The following ATXN7L1 variants were observed in gnomAD, a reference collection of about 807,000 sequenced individuals.
ATXN7L1 encodes the protein ataxin-7-like protein 1.
Under a neutral mutation model 70.8 loss-of-function variants are expected in ATXN7L1, and 15 were observed. That is an observed-to-expected ratio of 0.21 (90% confidence interval 0.14 to 0.33). The LOEUF (loss-of-function observed/expected upper bound fraction) is 0.33. Ranked by LOEUF, ATXN7L1 falls within the 10% of genes least tolerant of loss-of-function variation. The probability of loss-of-function intolerance (pLI) is 1.00; values close to 1 mark genes in which losing one functional copy is unlikely to be tolerated. For missense variants in ATXN7L1, 975 were observed against 1,097.1 expected, an observed-to-expected ratio of 0.89 and a Z score of 1.57; for synonymous variants, 440 against 445.1, an observed-to-expected ratio of 0.99 and a Z score of 0.14.
intron 6 of ATXN7L1, 87 bp downstream of exon 6, chr7:105,639,400 C>A (rs1416142570): frequency 6.5e-6 from 7 of 1,074,578 alleles, no homozygotes; most frequent in African/African-American, 3.2e-5. Context: ...AGGTTCCACA[C>A]CCTGCCGTGT....
chr7:105,788,479 A>G lies in ATXN7L1; in HGVS notation c.355+125T>C, dbSNP rs1373308272. ...TGCGAGCAGAGGCAGCAGCCCAGGA[A>G]GACTTTACCCACAGCCTCAGGCTGA... On this transcript the variant is annotated intron_variant, in intron 3 of 11. Transcript: ENST00000419735. 10 of 763,218 alleles carry G rather than the reference A, an allele frequency of 1.3e-5. No individual in the cohort carries two copies. In the African/African-American group the frequency reaches 1.4e-4, roughly 11 times the overall value. The allele number at this position is 763,218 out of a possible 1,614,324, so 47.3% of individuals were successfully genotyped here.
chr7:105,617,412 T>C (rs983548134), intron 9 of ATXN7L1, among the ~76,000 whole-genome samples: 4 of 152,156 alleles, frequency 2.6e-5, no homozygotes, highest in Admixed American at 1.3e-4. Context: ...ACTAGCAGAG[T>C]TGAAGCCCTA....
intron 3 of ATXN7L1, among the ~76,000 whole-genome samples, chr7:105,707,587 T>C (rs1240639091): frequency 1.3e-5 from 2 of 152,214 alleles, no homozygotes; most frequent in African/African-American, 4.8e-5. Flanking sequence ...CAGCTTAAAG[T>C]TTCTAGTTAG....
chr7:105,667,481 C>T (rs1297224455), intron 3 of ATXN7L1, among the ~76,000 whole-genome samples: 2 of 98,424 alleles, frequency 2.0e-5, no homozygotes, highest in Admixed American at 1.2e-4. Context: ...GGGCGGATCA[C>T]GAGGTCAGGA....
intron 3 of ATXN7L1, among the ~76,000 whole-genome samples, chr7:105,762,359 T>C (rs1216013192): frequency 6.6e-6 from 1 of 152,210 alleles, no homozygotes; most frequent in Admixed American, 6.5e-5. Flanking sequence ...TGTACTGCTC[T>C]TTCTCCAGCA....
At chr7:105,624,363 T>C in intron 7 of ATXN7L1, 96 bp from the exon 8 acceptor site, 1 of 1,202,758 alleles carries the variant, frequency 8.3e-7, no homozygotes, top group African/African-American at 1.6e-5. Context: ...GAAAACAGCC[T>C]GATTAAGGCC....
chr7:105,636,021 C>T (rs775588321), intron 7 of ATXN7L1, among the ~76,000 whole-genome samples: 4 of 152,196 alleles, frequency 2.6e-5, no homozygotes, highest in Non-Finnish European at 4.4e-5. Flanking sequence ...AAGTGCAGGA[C>T]ATTTTCCTGA....
In ATXN7L1 at chr7:105,613,390, C is replaced by T. The variant is rs1379550471; in HGVS notation, c.2472+472G>A. 4 of 777,336 alleles carry T rather than the reference C, an allele frequency of 5.1e-6. No individual in the cohort carries two copies. The South Asian group carries it at 2.3e-4, about 44-fold the overall frequency. The allele number at this position is 777,336 out of a possible 1,614,324, so 48.2% of individuals were successfully genotyped here. Reference sequence around the variant, plus strand: ...GAGCCGGGCACAGGCGCTCCCACTCCCAGGTGGGACCCTGGGTCAGCATTT... The same window carrying T: ...GAGCCGGGCACAGGCGCTCCCACTCTCAGGTGGGACCCTGGGTCAGCATTT... On this transcript the variant is annotated intron_variant, in intron 10 of 11. Transcript: ENST00000419735.
chr7:105,744,448 G>C (rs927199746), intron 3 of ATXN7L1, among the ~76,000 whole-genome samples: 1 of 151,942 alleles, frequency 6.6e-6, no homozygotes, highest in African/African-American at 2.4e-5. Flanking sequence ...GAATATTCAG[G>C]TTTCTGAGCT....
chr7:105,836,153 G>T (rs909697851), intron 2 of ATXN7L1, among the ~76,000 whole-genome samples: 16 of 152,178 alleles, frequency 1.1e-4, no homozygotes, highest in African/African-American at 3.6e-4. Context: ...GGGAGAAGGG[G>T]CATGGGATGG....
At chr7:105,863,829 A>G (rs921974505) in intron 2 of ATXN7L1, among the ~76,000 whole-genome samples, 4 of 152,230 alleles carry the variant, frequency 2.6e-5, no homozygotes, top group Admixed American at 6.5e-5. Flanking sequence ...TTAATGCCCA[A>G]TAAAAGACAG....
At chr7:105,819,842 T>A (rs1809844574) in intron 2 of ATXN7L1, 4 of 615,184 alleles carry the variant, frequency 6.5e-6, no homozygotes. Context: ...AAAAAGCGGA[T>A]GGTGGTTCCT....
intron 2 of ATXN7L1, among the ~76,000 whole-genome samples, chr7:105,793,827 G>C (rs529941233): frequency 2.0e-5 from 3 of 152,290 alleles, no homozygotes; most frequent in Admixed American, 6.5e-5. Flanking sequence ...TCACAGGCAG[G>C]GAGGAGGCAA....
chr7:105,662,886 T>C (rs1392921698), intron 4 of ATXN7L1, among the ~76,000 whole-genome samples: 2 of 152,158 alleles, frequency 1.3e-5, no homozygotes, highest in African/African-American at 2.4e-5. Context: ...ATTGAACATA[T>C]ACTATGATCC....
In ATXN7L1 at chr7:105,624,139, T is replaced by C; in HGVS notation, c.1331A>G (p.Asp444Gly). 1 of 1,534,946 alleles carries C rather than the reference T, an allele frequency of 6.5e-7. No homozygotes were observed. Among genetic ancestry groups the C allele is most frequent in the Non-Finnish European group, 8.8e-7 (1 of 1,137,460 alleles). ...TAGCTTCTCGGATTCGTCGGCTCCG[T>C]CCATCTCCCCTTCATCACTGGACAG... ...SRLSSDEGEMDGADESEKLDC... is the reference protein window; with the variant it reads ...SRLSSDEGEMGGADESEKLDC... Residue 444 changes from aspartate to glycine, a missense_variant, in exon 8 of 12, where the codon GAC becomes GGC. By Grantham distance (94) the Asp-to-Gly change is moderately conservative (BLOSUM62 -1). This residue lies in a region of ATXN7L1 where 635 missense variants were observed against 699.4 expected (regional missense o/e 0.91). Transcript: ENST00000419735.
intron 3 of ATXN7L1, among the ~76,000 whole-genome samples, chr7:105,763,890 G>A (rs924983042): frequency 6.6e-6 from 1 of 151,638 alleles, no homozygotes; most frequent in African/African-American, 2.4e-5. Flanking sequence ...GTCTTGCTCT[G>A]TCACCCAGGT....
chr7:105,855,195 C>T (rs186644807), intron 2 of ATXN7L1, among the ~76,000 whole-genome samples: 3 of 152,278 alleles, frequency 2.0e-5, no homozygotes, highest in East Asian at 1.9e-4. Flanking sequence ...CCTCGTGATC[C>T]GTCCGCCTCG....
At chr7:105,804,948 G>A (rs555122594) in intron 2 of ATXN7L1, among the ~76,000 whole-genome samples, 1 of 152,324 alleles carries the variant, frequency 6.6e-6, no homozygotes, top group African/African-American at 2.4e-5. Context: ...CAGGCAGGCA[G>A]GGAAGTAACA....
chr7:105,790,509 A>T (rs1804982638), intron 2 of ATXN7L1, among the ~76,000 whole-genome samples: 1 of 152,088 alleles, frequency 6.6e-6, no homozygotes, highest in South Asian at 2.1e-4. Flanking sequence ...TGAGTCCAAG[A>T]GGTCAAGGCT....
Sources: allele counts gnomAD v4.1 joint callset (sites outside exome capture counted in the v4.1 genomes callset), GRCh38; gene constraint gnomAD v4.1.1; regional missense constraint gnomAD v4.1.1; transcripts MANE v1.5; gene names NCBI Gene and HGNC (gene_info 2026-07-23, HGNC 2026-07-21).